The following FBXL17 variants were observed in gnomAD, a reference collection of about 807,000 sequenced individuals.
FBXL17 encodes the protein F-box and leucine rich repeat protein 17, also known as F-box/LRR-repeat protein 17.
A neutral mutation model predicts 66.2 loss-of-function variants in FBXL17; 22 were observed. The ratio of observed to expected loss-of-function variants is 0.33; its 90% CI spans 0.24 to 0.47. FBXL17 has a LOEUF of 0.47. FBXL17 is among the 20% of genes least tolerant of loss of function. FBXL17 has a pLI of 1.00. For missense variants in FBXL17, 878 were observed against 948.2 expected, an observed-to-expected ratio of 0.93 and a Z score of 0.97; for synonymous variants, 474 against 400.5, an observed-to-expected ratio of 1.18 and a Z score of -2.19.
At chr5:107,890,710 G>C (rs78886491) in intron 7 of FBXL17, among the ~76,000 whole-genome samples, 4 of 151,866 alleles carry the variant, frequency 2.6e-5, no homozygotes, top group Non-Finnish European at 5.9e-5. Context: ...ATCAGAGTAG[G>C]ATGTGATTTC....
At chr5:108,280,289 C>A (rs1757650761) in intron 4 of FBXL17, among the ~76,000 whole-genome samples, 1 of 152,088 alleles carries the variant, frequency 6.6e-6, no homozygotes, top group African/African-American at 2.4e-5. Context: ...TCAGCAGAAA[C>A]CTTACAGACC....
At chr5:108,225,314 T>C (rs1370795275) in intron 4 of FBXL17, among the ~76,000 whole-genome samples, 4 of 152,230 alleles carry the variant, frequency 2.6e-5, no homozygotes, top group Non-Finnish European at 5.9e-5. Context: ...GGTTGAATTA[T>C]GTCTCCTTAA....
intron 5 of FBXL17, among the ~76,000 whole-genome samples, chr5:108,207,091 T>C (rs1754152823): frequency 6.6e-6 from 1 of 152,086 alleles, no homozygotes; most frequent in African/African-American, 2.4e-5. Flanking sequence ...AATAATAAAA[T>C]AGAACAATTA....
rs769208761 is a variant in FBXL17 at position 108,348,384 on chromosome 5, A to G, written c.1506+15T>C. The G allele has an allele frequency of 6.2e-7, 1 of 1,606,114 alleles. No homozygotes were observed. The highest frequency in any genetic ancestry group is 1.3e-5 in the African/African-American group (1 of 74,904). ...GAACAAAATGAACAATACAAGGATGATAACAAGTACTTACTAATTTGTTTT... is the reference window on the plus strand; with the variant it reads ...GAACAAAATGAACAATACAAGGATGGTAACAAGTACTTACTAATTTGTTTT... On this transcript the variant is annotated intron_variant, in intron 4 of 8. Transcript: ENST00000542267.
intron 6 of FBXL17, among the ~76,000 whole-genome samples, chr5:108,084,731 C>A (rs954940953): frequency 3.3e-5 from 5 of 152,134 alleles, no homozygotes; most frequent in African/African-American, 1.2e-4. Flanking sequence ...TAATAAGTGT[C>A]AGCCTGCAAT....
chr5:108,351,265 G>T (rs1285996966), intron 3 of FBXL17, among the ~76,000 whole-genome samples: 1 of 152,076 alleles, frequency 6.6e-6, no homozygotes, highest in Non-Finnish European at 1.5e-5. Flanking sequence ...AGGATGAGAG[G>T]ATAAGACACA....
At chr5:107,880,876 G>C in intron 8 of FBXL17, 161 bp downstream of exon 8, 1 of 1,413,980 alleles carries the variant, frequency 7.1e-7, no homozygotes, top group Non-Finnish European at 9.2e-7. Flanking sequence ...GTTTACAAAA[G>C]CAGGCAAACA....
At chr5:107,976,380 A>G (rs1214687380) in intron 7 of FBXL17, among the ~76,000 whole-genome samples, 1 of 152,226 alleles carries the variant, frequency 6.6e-6, no homozygotes. Context: ...AATAATATTC[A>G]GTCAACAAAG....
intron 6 of FBXL17, among the ~76,000 whole-genome samples, chr5:108,183,014 T>C (rs1218719284): frequency 6.6e-6 from 1 of 151,698 alleles, no homozygotes; most frequent in Non-Finnish European, 1.5e-5. Context: ...ATAATCACCT[T>C]ATTGCAGAAA....
At chr5:108,338,157 T>C (rs1040412502) in intron 4 of FBXL17, among the ~76,000 whole-genome samples, 6 of 150,388 alleles carry the variant, frequency 4.0e-5, no homozygotes, top group South Asian at 2.1e-4. Context: ...TAAAAAGATA[T>C]AGAAGTTTTA....
chr5:108,366,942 T>C (rs1318669843), intron 2 of FBXL17, among the ~76,000 whole-genome samples: 1 of 152,104 alleles, frequency 6.6e-6, no homozygotes, highest in African/African-American at 2.4e-5. Flanking sequence ...GAGTTTATAG[T>C]GTGCCCCTCT....
At chr5:108,369,591 A>G (rs765880755) in intron 1 of FBXL17, among the ~76,000 whole-genome samples, 29 of 151,776 alleles carry the variant, frequency 1.9e-4, no homozygotes, top group Non-Finnish European at 3.8e-4. Context: ...ATGTCAAAAC[A>G]CCATATATTT....
chr5:107,973,634 T>C (rs553113261), intron 7 of FBXL17, among the ~76,000 whole-genome samples: 1 of 152,226 alleles, frequency 6.6e-6, no homozygotes, highest in Non-Finnish European at 1.5e-5. Flanking sequence ...ATTAAGATCA[T>C]TTTGAATTCT....
chr5:108,298,180 A>G, intron 4 of FBXL17: 1 of 978,828 alleles, frequency 1.0e-6, no homozygotes, highest in African/African-American at 1.7e-5. Context: ...TAGAAATTCT[A>G]GAAAGTACAG....
chr5:107,993,145 T>C (rs1012642673), intron 7 of FBXL17, among the ~76,000 whole-genome samples: 1 of 152,200 alleles, frequency 6.6e-6, no homozygotes, highest in Non-Finnish European at 1.5e-5. Context: ...TCCACCCACC[T>C]TGGCCTCCCA....
At chr5:108,333,237 G>A in intron 4 of FBXL17, among the ~76,000 whole-genome samples, 1 of 150,200 alleles carries the variant, frequency 6.7e-6, no homozygotes, top group South Asian at 2.1e-4. Context: ...TAGTCTATAA[G>A]ACAAATATTA....
intron 4 of FBXL17, among the ~76,000 whole-genome samples, chr5:108,300,727 G>C (rs1315887691): frequency 6.6e-6 from 1 of 150,996 alleles, no homozygotes; most frequent in African/African-American, 2.4e-5. Context: ...CAAATAAAAA[G>C]GTAACAAAGA....
chr5:108,199,105 T>C (rs1753789980), intron 5 of FBXL17, among the ~76,000 whole-genome samples: 1 of 152,148 alleles, frequency 6.6e-6, no homozygotes, highest in African/African-American at 2.4e-5. Context: ...AAAATAACAA[T>C]ATCTAGTATA....
At chr5:108,306,877 TATTG>T (rs1399266456) in intron 4 of FBXL17, among the ~76,000 whole-genome samples, 1 of 152,242 alleles carries the variant, frequency 6.6e-6, no homozygotes, top group East Asian at 1.9e-4. Context: ...TATCTCTAAA[TATTG>T]ATTGACACTA....
Sources: allele counts gnomAD v4.1 joint callset (sites outside exome capture counted in the v4.1 genomes callset), GRCh38; gene constraint gnomAD v4.1.1; transcripts MANE v1.5; gene names NCBI Gene and HGNC (gene_info 2026-07-23, HGNC 2026-07-21).